FCAMR: variants seen among roughly 807,000 people sequenced by gnomAD.
FCAMR encodes high affinity immunoglobulin alpha and immunoglobulin mu Fc receptor.
A neutral mutation model predicts 52.2 loss-of-function variants in FCAMR; 51 were observed. The ratio of observed to expected loss-of-function variants is 0.98; its 90% CI spans 0.78 to 1.23. FCAMR has a LOEUF of 1.23. Among genes scored for constraint, FCAMR ranks in the 50% most tolerant of loss-of-function variants. The pLI, the probability that FCAMR is intolerant of heterozygous loss-of-function variation, is 0.00. For synonymous variants in FCAMR, 282 were observed against 262.0 expected, an observed-to-expected ratio of 1.08 and a Z score of -0.74; for missense variants, 719 against 712.6, an observed-to-expected ratio of 1.01 and a Z score of -0.10.
intron 1 of FCAMR, among the ~76,000 whole-genome samples, chr1:206,969,607 T>A (rs1265074353): frequency 1.3e-5 from 2 of 152,182 alleles, no homozygotes; most frequent in Admixed American, 6.5e-5. Context: ...ACTTCCCAGA[T>A]GCCTACTGGC....
At chr1:206,959,834 G>T in intron 6 of FCAMR, 37 bp from the exon 7 acceptor site, 3 of 1,508,516 alleles carry the variant, frequency 2.0e-6, no homozygotes, top group Non-Finnish European at 2.8e-6. Flanking sequence ...GGGAGAGGAG[G>T]TTGGAGCTGG....
In FCAMR at chr1:206,959,678, C is replaced by T; in HGVS notation, c.1573+1G>A. 1.2e-6 allele frequency: 2 copies of T among 1,612,982 alleles called. No individual in the cohort carries two copies. Among genetic ancestry groups the T allele is most frequent in the Non-Finnish European group, 1.7e-6 (2 of 1,179,032 alleles). On this transcript the variant is annotated splice_donor_variant, in intron 7 of 7. Transcript: ENST00000324852. LOFTEE classifies it high-confidence loss of function. The stretch of plus-strand genomic sequence containing the variant: ...TCTAGCCTTGGGGCTACTCAACTCA[C>T]AGGTCCTCCTTCTCCAGAGCTTCCT...
chr1:206,966,416 C>T (rs775920321), intron 3 of FCAMR, among the ~76,000 whole-genome samples: 2 of 152,130 alleles, frequency 1.3e-5, no homozygotes, highest in Admixed American at 6.5e-5. Flanking sequence ...GATGGAGTCT[C>T]GCTCTATTGC....
At chr1:206,962,645 T>C (rs751009262) in intron 4 of FCAMR, 94 bp from the exon 5 acceptor site, 41 of 1,088,182 alleles carry the variant, frequency 3.8e-5, no homozygotes, top group Non-Finnish European at 5.1e-5. Flanking sequence ...GAATTAGGGG[T>C]CAAGTCAGAA....
intron 4 of FCAMR, among the ~76,000 whole-genome samples, chr1:206,962,873 C>T (rs968003961): frequency 7.9e-5 from 12 of 152,214 alleles, no homozygotes; most frequent in African/African-American, 2.9e-4. Flanking sequence ...TCTAAGCACA[C>T]ATGAGAGGGC....
intron 3 of FCAMR, 167 bp from the exon 4 acceptor site, chr1:206,966,025 C>T (rs911859244): frequency 1.2e-5 from 10 of 836,044 alleles, no homozygotes; most frequent in Non-Finnish European, 1.9e-5. Flanking sequence ...CTCCCTCCCA[C>T]TGCTACCACC....
At chr1:206,966,974 G>T (rs778621841) in intron 3 of FCAMR, 78 bp downstream of exon 3, 2 of 1,434,886 alleles carry the variant, frequency 1.4e-6, no homozygotes, top group Non-Finnish European at 2.0e-6. Flanking sequence ...ATACCAGCCT[G>T]TGAGGACCTT....
Position 206,958,557 on chromosome 1 carries a change from C to T in FCAMR, c.1693G>A (p.Gly565Arg). 1 of 1,613,314 alleles carries T rather than the reference C, an allele frequency of 6.2e-7. No individual in the cohort carries two copies. The highest frequency in any genetic ancestry group is 8.5e-7 in the Non-Finnish European group (1 of 1,179,904). Residue 565 changes from glycine to arginine, a missense_variant, in exon 8 of 8, where the codon GGG (glycine) becomes AGG (arginine). Physicochemically the swap from Gly to Arg is moderately radical, Grantham distance 125 (BLOSUM62 -2). Transcript: ENST00000324852. ...CTCTCTGGGGCAGTCAGGCTGGCCC[C>T]AGCAGGAAGAGAGTCATCCTGGAGC... The part of the protein sequence containing the change: ...KMLQDDSLPA[G>R]ASLTAPERNP...
chr1:206,960,197 A>C, intron 6 of FCAMR: 1 of 562,168 alleles, frequency 1.8e-6, no homozygotes, highest in Non-Finnish European at 3.2e-6. Flanking sequence ...TCCAGCCTAA[A>C]TATTGTCTTT....
chr1:206,970,483 T>C (rs1278170553), upstream of FCAMR: 1 of 174,308 alleles, frequency 5.7e-6, no homozygotes, highest in Non-Finnish European at 1.2e-5. Context: ...GGTCTCAGAC[T>C]ATTTAGGGTG....
intron 6 of FCAMR, 76 bp downstream of exon 6, chr1:206,960,346 G>C (rs1375091456): frequency 2.2e-6 from 3 of 1,374,336 alleles, no homozygotes; most frequent in Non-Finnish European, 2.9e-6. Context: ...TGAGCAGAGG[G>C]AGAGGGGCCT....
intron 4 of FCAMR, among the ~76,000 whole-genome samples, chr1:206,964,757 C>G (rs1054557590): frequency 6.6e-6 from 1 of 152,112 alleles, no homozygotes; most frequent in Non-Finnish European, 1.5e-5. Flanking sequence ...TCAGGTATTT[C>G]TTTATAGCAC....
chr1:206,959,871 C>T, intron 6 of FCAMR, 74 bp from the exon 7 acceptor site: 3 of 1,215,424 alleles, frequency 2.5e-6, no homozygotes, highest in Non-Finnish European at 3.7e-6. Flanking sequence ...CATTTACCCA[C>T]ATCCTTACTT....
chr1:206,962,972 T>A (rs1333989609), intron 4 of FCAMR, among the ~76,000 whole-genome samples: 2 of 152,200 alleles, frequency 1.3e-5, no homozygotes, highest in African/African-American at 4.8e-5. Context: ...ATGATAACAT[T>A]AAATGGTAAT....
intron 7 of FCAMR, among the ~76,000 whole-genome samples, chr1:206,959,343 G>A (rs1680397565): frequency 1.3e-5 from 2 of 152,050 alleles, no homozygotes; most frequent in African/African-American, 4.8e-5. Flanking sequence ...CAGGCATGAT[G>A]GTAAATGCCT....
intron 5 of FCAMR, 137 bp from the exon 6 acceptor site, chr1:206,961,360 T>A: frequency 1.5e-6 from 1 of 664,466 alleles, no homozygotes; most frequent in Non-Finnish European, 2.5e-6. Context: ...ACCAATAGGT[T>A]GGATAAAATA....
intron 2 of FCAMR, 40 bp from the exon 3 acceptor site, chr1:206,967,152 G>T (rs1293646024): frequency 6.9e-7 from 1 of 1,458,040 alleles, no homozygotes; most frequent in Non-Finnish European, 9.6e-7. Flanking sequence ...CCTGAGAGAA[G>T]CTGGGTGAGG....
At chr1:206,963,927 G>T (rs1037711169) in intron 4 of FCAMR, among the ~76,000 whole-genome samples, 2 of 152,292 alleles carry the variant, frequency 1.3e-5, no homozygotes, top group Middle Eastern at 3.4e-3. Flanking sequence ...CTGGCTATCT[G>T]CCCTGCTCTG....
chr1:206,963,248 C>T (rs537329382), intron 4 of FCAMR, among the ~76,000 whole-genome samples: 43 of 152,178 alleles, frequency 2.8e-4, no homozygotes, highest in Non-Finnish European at 4.7e-4. Flanking sequence ...ACAGAAACAA[C>T]CAAATGCCAC....
Sources: allele counts gnomAD v4.1 joint callset (sites outside exome capture counted in the v4.1 genomes callset), GRCh38; gene constraint gnomAD v4.1.1; transcripts MANE v1.5; gene names NCBI Gene and HGNC (gene_info 2026-07-23, HGNC 2026-07-21).